Variants in FREM2 observed in about 807,000 individuals in gnomAD.
FREM2 encodes the protein FRAS1-related extracellular matrix protein 2.
FREM2 carries 119 observed loss-of-function variants against 219.9 expected under a neutral mutation model. The ratio of observed to expected loss-of-function variants is 0.54; its 90% CI spans 0.47 to 0.63. The LOEUF (loss-of-function observed/expected upper bound fraction) is 0.63. FREM2 is among the 30% of genes least tolerant of loss of function. The probability of loss-of-function intolerance (pLI) is 0.00; values close to 1 mark genes in which losing one functional copy is unlikely to be tolerated. For missense variants in FREM2, 4,030 were observed against 3,993.6 expected, an observed-to-expected ratio of 1.01 and a Z score of -0.25; for synonymous variants, 1,562 against 1,522.8, an observed-to-expected ratio of 1.03 and a Z score of -0.60.
chr13:38,812,383 T>A (rs2137864833), intron 6 of FREM2, among the ~76,000 whole-genome samples: 1 of 152,298 alleles, frequency 6.6e-6, no homozygotes, highest in Admixed American at 6.5e-5. Context: ...TCTTCTTTTC[T>A]GTCTTCCTTT....
intron 6 of FREM2, among the ~76,000 whole-genome samples, chr13:38,797,134 T>C (rs1257123994): frequency 1.2e-5 from 1 of 83,058 alleles, no homozygotes; most frequent in East Asian, 3.8e-4. Flanking sequence ...ACCTTACCTT[T>C]GAAAGCATGG....
chr13:38,756,350 ATG>A (rs1431661204), intron 2 of FREM2, among the ~76,000 whole-genome samples: 1 of 152,066 alleles, frequency 6.6e-6, no homozygotes, highest in Non-Finnish European at 1.5e-5. Flanking sequence ...ACCTTGTTTT[ATG>A]TGTGTTTCTA....
At chr13:38,876,464 A>G (rs1179727321) in intron 20 of FREM2, 82 bp downstream of exon 20, 9 of 1,144,850 alleles carry the variant, frequency 7.9e-6, no homozygotes, top group Non-Finnish European at 1.2e-5. Context: ...AAAAAAATCC[A>G]CACGTGAATG....
chr13:38,773,881 A>T (rs1029995039), intron 4 of FREM2, among the ~76,000 whole-genome samples: 1 of 152,058 alleles, frequency 6.6e-6, no homozygotes, highest in African/African-American at 2.4e-5. Context: ...TGTGATTTAT[A>T]TATCAATTTA....
intron 5 of FREM2, among the ~76,000 whole-genome samples, chr13:38,783,473 TAAAA>T (rs141521145): frequency 0.022 from 2,717 of 124,040 alleles, 51 homozygotes; most frequent in African/African-American, 0.068. Context: ...GGTTACTATA[TAAAA>T]AAAAAAAAAA....
At position 38,687,333 on chromosome 13, in the gene FREM2, A is replaced by T; in HGVS notation, c.-12A>T. On this transcript the variant is annotated 5_prime_UTR_variant, in exon 1 of 24. Transcript: ENST00000280481. ...TCTCAGGCTGACCTGTCCAAGCCCG[A>T]ACACCGGGACCATGCACTCAGCCGG... is the stretch of plus-strand genomic sequence containing the variant. The T allele has an allele frequency of 6.3e-7, 1 of 1,593,416 alleles. No individual in the cohort carries two copies. Among genetic ancestry groups the T allele is most frequent in the Non-Finnish European group, 8.5e-7 (1 of 1,170,136 alleles).
At chr13:38,821,103 C>T (rs897157461) in intron 6 of FREM2, among the ~76,000 whole-genome samples, 1 of 152,100 alleles carries the variant, frequency 6.6e-6, no homozygotes, top group Non-Finnish European at 1.5e-5. Flanking sequence ...CTTATGGTGT[C>T]CCTATGTTCT....
At chr13:38,861,698 C>A (rs1051499663) in intron 15 of FREM2, 136 bp downstream of exon 15, 2 of 924,188 alleles carry the variant, frequency 2.2e-6, no homozygotes, top group African/African-American at 3.2e-5. Context: ...CCTTCCACTT[C>A]TTTCAACTGT....
rs766129514 is a variant in FREM2 at position 38,787,749 on chromosome 13, ATTAT to A, written c.6019+2947_6019+2950del. 1.3e-4 allele frequency among the ~76,000 whole-genome samples: 20 copies of A among 148,576 alleles called. No individual in the cohort carries two copies. The East Asian group carries it at 3.5e-3, about 26-fold the overall frequency. On this transcript the variant is annotated intron_variant, in intron 6 of 23. Coordinates refer to ENST00000280481, the MANE Select transcript of FREM2 (RefSeq NM_207361.6). ...TTTATTATTGTTATTTATTAATGTTATTATTTATTATTTATTATTATTTATTAAT... is the reference window on the plus strand; with the variant it reads ...TTTATTATTGTTATTTATTAATGTTATTATTATTTATTATTATTTATTAAT...
At chr13:38,855,105 A>AT (rs1239161937) in intron 11 of FREM2, among the ~76,000 whole-genome samples, 3 of 151,720 alleles carry the variant, frequency 2.0e-5, no homozygotes, top group Non-Finnish European at 2.9e-5. Context: ...TTTTTTAGCA[A>AT]TTTTGAAATG....
At chr13:38,758,135 G>A (rs886387617) in intron 2 of FREM2, among the ~76,000 whole-genome samples, 9 of 152,206 alleles carry the variant, frequency 5.9e-5, no homozygotes, top group African/African-American at 2.2e-4. Flanking sequence ...GATGATCCAG[G>A]GTGGGCTGCA....
intron 6 of FREM2, among the ~76,000 whole-genome samples, chr13:38,845,377 T>A (rs565173605): frequency 6.6e-6 from 1 of 152,276 alleles, no homozygotes. Flanking sequence ...GATATCATGT[T>A]TTTAGTGGCC....
At chr13:38,856,301 C>T in intron 12 of FREM2, 45 bp downstream of exon 12, 1 of 1,573,526 alleles carries the variant, frequency 6.4e-7, no homozygotes, top group Non-Finnish European at 8.7e-7. Flanking sequence ...AGCAGTTTGT[C>T]AGAGGAAATG....
At chr13:38,794,601 G>A (rs1043610873) in intron 6 of FREM2, among the ~76,000 whole-genome samples, 1 of 151,726 alleles carries the variant, frequency 6.6e-6, no homozygotes, top group Non-Finnish European at 1.5e-5. Flanking sequence ...TAATGTCTAA[G>A]CTTCAGTTTC....
At chr13:38,765,167 C>T (rs1297029745) in intron 3 of FREM2, among the ~76,000 whole-genome samples, 1 of 152,176 alleles carries the variant, frequency 6.6e-6, no homozygotes. Context: ...ACCTCGGCCT[C>T]CCAAAGTGCT....
chr13:38,713,441 G>A (rs1012619755), intron 2 of FREM2, among the ~76,000 whole-genome samples: 20 of 152,068 alleles, frequency 1.3e-4, no homozygotes, highest in Non-Finnish European at 7.4e-5. Context: ...TCTTATCATG[G>A]ATATATTATT....
At chr13:38,757,577 G>A (rs1350565431) in intron 2 of FREM2, among the ~76,000 whole-genome samples, 1 of 151,596 alleles carries the variant, frequency 6.6e-6, no homozygotes, top group Non-Finnish European at 1.5e-5. Context: ...CTGGGTCTTT[G>A]TCATGCCACT....
intron 16 of FREM2, 139 bp downstream of exon 16, chr13:38,864,745 C>T (rs1877898063): frequency 2.6e-6 from 2 of 756,584 alleles, no homozygotes; most frequent in Non-Finnish European, 4.6e-6. Context: ...GACCAGACAA[C>T]TGGCATGGAT....
chr13:38,716,895 TTGAG>T (rs1871025567), intron 2 of FREM2, among the ~76,000 whole-genome samples: 1 of 152,186 alleles, frequency 6.6e-6, no homozygotes, highest in South Asian at 2.1e-4. Flanking sequence ...AGACAAAAAT[TTGAG>T]TGAGATGTCC....
Sources: gnomAD v4.1 joint callset for allele counts (sites outside exome capture counted in the v4.1 genomes callset) on GRCh38, gnomAD v4.1.1 for gene constraint, MANE v1.5 for transcripts, NCBI Gene and HGNC (gene_info 2026-07-23, HGNC 2026-07-21) for gene names.